PTPRC: variants seen among roughly 807,000 people sequenced by gnomAD.
The protein encoded by PTPRC is receptor-type tyrosine-protein phosphatase C.
A neutral mutation model predicts 155.9 loss-of-function variants in PTPRC; 44 were observed. The ratio of observed to expected loss-of-function variants is 0.28; its 90% CI spans 0.22 to 0.36. PTPRC has a LOEUF of 0.36. PTPRC is among the 10% of genes least tolerant of loss of function. PTPRC has a pLI of 1.00. For synonymous variants in PTPRC, 525 were observed against 533.1 expected (o/e 0.98, Z 0.21); for missense variants, 1,401 against 1,564.6 (o/e 0.90, Z 1.76).
At chr1:198,751,455 C>CCT (rs1655379949) in intron 29 of PTPRC, among the ~76,000 whole-genome samples, 1 of 151,764 alleles carries the variant, frequency 6.6e-6, no homozygotes, top group Non-Finnish European at 1.5e-5. Flanking sequence ...TTTTTATGCC[C>CCT]CTCTCTCTCC....
chr1:198,723,272 G>A (rs1413854222), intron 15 of PTPRC, among the ~76,000 whole-genome samples: 1 of 152,070 alleles, frequency 6.6e-6, no homozygotes, highest in African/African-American at 2.4e-5. Flanking sequence ...AAGCCTGTAT[G>A]TACTTTGTTG....
intron 2 of PTPRC, among the ~76,000 whole-genome samples, chr1:198,667,644 C>T (rs1015261498): frequency 1.3e-5 from 2 of 152,180 alleles, no homozygotes; most frequent in African/African-American, 2.4e-5. Flanking sequence ...AGAGCTAGAT[C>T]CTAGTAAGAA....
At chr1:198,670,343 C>T (rs1405927871) in intron 2 of PTPRC, among the ~76,000 whole-genome samples, 2 of 151,954 alleles carry the variant, frequency 1.3e-5, no homozygotes, top group African/African-American at 4.8e-5. Context: ...ATTCAACATC[C>T]TAAATATGAA....
intron 10 of PTPRC, 105 bp downstream of exon 10, chr1:198,708,366 C>A: frequency 9.1e-7 from 1 of 1,101,314 alleles, no homozygotes; most frequent in Admixed American, 2.2e-5. Context: ...CCCTGCCTCT[C>A]TTGTTCTCCC....
At chr1:198,680,096 G>A (rs115834215) in intron 2 of PTPRC, 4,699 of 420,332 alleles carry the variant, frequency 0.011, 157 homozygotes, top group African/African-American at 0.073. Context: ...AGGCGCAGGC[G>A]CAGCGGCGAC....
intron 15 of PTPRC, among the ~76,000 whole-genome samples, chr1:198,725,073 A>G (rs957902194): frequency 1.3e-5 from 2 of 152,148 alleles, no homozygotes; most frequent in African/African-American, 4.8e-5. Context: ...AAGTGCTGGG[A>G]TTACAGGTGT....
intron 2 of PTPRC, among the ~76,000 whole-genome samples, chr1:198,655,566 C>G (rs4356079): frequency 1.6e-3 from 239 of 152,116 alleles, no homozygotes; most frequent in African/African-American, 5.6e-3. Flanking sequence ...AATTCCTCTT[C>G]ACTAGACTGA....
intron 13 of PTPRC, 21 bp downstream of exon 13, chr1:198,716,861 C>T: frequency 6.2e-7 from 1 of 1,609,616 alleles, no homozygotes; most frequent in Non-Finnish European, 8.5e-7. Flanking sequence ...TGTTTTAATG[C>T]TTCTTTCCAT....
At position 198,734,378 on chromosome 1, in the gene PTPRC, A is replaced by G; in HGVS notation, c.2230A>G (p.Lys744Glu). The G allele has an allele frequency of 6.2e-7, 1 of 1,611,262 alleles. No individual in the cohort carries two copies. Among genetic ancestry groups the G allele is most frequent in the Non-Finnish European group, 8.5e-7 (1 of 1,177,984 alleles). ...TTTCTGGAGGATGATTTGGGAACAG[A>G]AAGCCACAGTTATTGTCATGGTCAC... ...DDFWRMIWEQ[K>E]ATVIVMVTRC... is the part of the protein sequence containing the mutation. The change falls in exon 22 of 33, where the codon AAA (lysine) becomes GAA (glutamate). Residue 744 changes from lysine (K) to glutamate (E), a missense_variant. Lys to Glu is a moderately conservative substitution (Grantham distance 56, BLOSUM62 1). This residue lies in a region of PTPRC where 867 missense variants were observed against 970.4 expected (regional missense o/e 0.89). Transcript: ENST00000442510.
intron 10 of PTPRC, among the ~76,000 whole-genome samples, chr1:198,708,871 G>C (rs928220550): frequency 3.9e-5 from 6 of 152,244 alleles, no homozygotes; most frequent in African/African-American, 1.4e-4. Flanking sequence ...AAAGCCATCT[G>C]CCAGGCCATA....
At chr1:198,642,529 C>T (rs1293359015) in intron 2 of PTPRC, among the ~76,000 whole-genome samples, 1 of 151,816 alleles carries the variant, frequency 6.6e-6, no homozygotes, top group African/African-American at 2.4e-5. Flanking sequence ...TCTCTAGACT[C>T]ATCCCTCAGA....
Position 198,739,672 on chromosome 1 carries a change from C to T in PTPRC, c.2404-2197C>T, listed in dbSNP as rs73083335. Among the ~76,000 whole-genome samples, 1,238 of 151,672 alleles carry T rather than the reference C, an allele frequency of 8.2e-3. 19 individuals are homozygous for T. The highest frequency in any genetic ancestry group is 0.029 in the African/African-American group (1,182 of 41,414). On this transcript the variant is annotated intron_variant, in intron 23 of 32. Coordinates refer to ENST00000442510, the MANE Select transcript of PTPRC (RefSeq NM_002838.5). ...CTACTTTCAGCATTAGGCAGATCAC[C>T]CAGGAAGAAAATCAACAAAGAAACA... is the stretch of plus-strand genomic sequence containing the variant.
At chr1:198,672,713 C>A (rs1664719352) in intron 2 of PTPRC, among the ~76,000 whole-genome samples, 1 of 151,292 alleles carries the variant, frequency 6.6e-6, no homozygotes, top group African/African-American at 2.4e-5. Flanking sequence ...GTCTAGAATT[C>A]CTGATCTCTG....
intron 2 of PTPRC, among the ~76,000 whole-genome samples, chr1:198,681,994 G>A (rs1665362313): frequency 6.6e-6 from 1 of 152,196 alleles, no homozygotes; most frequent in Admixed American, 6.5e-5. Flanking sequence ...GCGCCTGTGT[G>A]CTTAACCGCA....
At chr1:198,719,348 T>A (rs983710955) in intron 14 of PTPRC, among the ~76,000 whole-genome samples, 2 of 152,134 alleles carry the variant, frequency 1.3e-5, no homozygotes, top group African/African-American at 4.8e-5. Flanking sequence ...TATCCAGTTT[T>A]CTCCGGAGAA....
chr1:198,685,180 A>G lies in PTPRC; in HGVS notation c.74-7167A>G, dbSNP rs564627397. Among the ~76,000 whole-genome samples, 2 of 152,024 alleles carry G rather than the reference A, an allele frequency of 1.3e-5. 1 individual carries two copies. Among genetic ancestry groups the G allele is most frequent in the African/African-American group, 4.8e-5 (2 of 41,482 alleles). ...TTACTCATGAGATTCCAAAAATAAT[A>G]TTAATATACCCAATATTTTAACATA... On this transcript the variant is annotated intron_variant, in intron 2 of 32. Coordinates refer to ENST00000442510, the MANE Select transcript of PTPRC (RefSeq NM_002838.5).
chr1:198,719,930 A>AG (rs1435810501), intron 14 of PTPRC, among the ~76,000 whole-genome samples: 2 of 152,152 alleles, frequency 1.3e-5, no homozygotes, highest in Non-Finnish European at 2.9e-5. Flanking sequence ...TATCACTTAA[A>AG]GAAGTGTTTT....
intron 4 of PTPRC, among the ~76,000 whole-genome samples, chr1:198,698,065 G>A (rs1302339669): frequency 6.6e-6 from 1 of 152,138 alleles, no homozygotes; most frequent in African/African-American, 2.4e-5. Context: ...AACATCTCAT[G>A]CTATTTTATT....
At chr1:198,747,619 A>T (rs1415909592) in intron 26 of PTPRC, among the ~76,000 whole-genome samples, 1 of 151,834 alleles carries the variant, frequency 6.6e-6, no homozygotes, top group Admixed American at 6.6e-5. Flanking sequence ...TGTGTATAGA[A>T]ATGATGGATC....
Sources: gnomAD v4.1 joint callset for allele counts (sites outside exome capture counted in the v4.1 genomes callset) on GRCh38, gnomAD v4.1.1 for gene constraint, gnomAD v4.1.1 regional missense constraint, MANE v1.5 for transcripts, NCBI Gene and HGNC (gene_info 2026-07-23, HGNC 2026-07-21) for gene names.